Variants in MARCHF7 observed in about 807,000 individuals in gnomAD.
The protein encoded by MARCHF7 is E3 ubiquitin-protein ligase MARCHF7.
A neutral mutation model predicts 76.5 loss-of-function variants in MARCHF7; 20 were observed. The observed-to-expected ratio is 0.26, with a 90% CI of 0.18 to 0.38. MARCHF7 has a LOEUF of 0.38. MARCHF7 is among the 10% of genes least tolerant of loss of function. MARCHF7 has a pLI of 1.00. For synonymous variants in MARCHF7, 295 were observed against 293.0 expected (o/e 1.01, Z -0.07); for missense variants, 797 against 812.9 (o/e 0.98, Z 0.24).
At chr2:159,765,178 T>G (rs150139228) in intron 11 of MARCHF7, among the ~76,000 whole-genome samples, 1 of 150,916 alleles carries the variant, frequency 6.6e-6, no homozygotes, top group East Asian at 1.9e-4. Flanking sequence ...TTTTGTGGGT[T>G]TTTTGTTGTT....
intron 5 of MARCHF7, among the ~76,000 whole-genome samples, chr2:159,745,239 G>T (rs1020029902): frequency 2.6e-5 from 4 of 152,178 alleles, no homozygotes; most frequent in Admixed American, 2.6e-4. Flanking sequence ...TTAATGTTAG[G>T]CAGAGAAGAA....
chr2:159,767,107 G>C (rs1431178069), intron 11 of MARCHF7, among the ~76,000 whole-genome samples, 177 bp from the exon 12 acceptor site: 2 of 152,022 alleles, frequency 1.3e-5, no homozygotes, highest in Admixed American at 6.6e-5. Flanking sequence ...TTGTGGTTGG[G>C]TATCACCCAC....
intron 3 of MARCHF7, among the ~76,000 whole-genome samples, chr2:159,721,030 T>G (rs1374515230): frequency 1.3e-5 from 2 of 151,790 alleles, no homozygotes; most frequent in Non-Finnish European, 2.9e-5. Flanking sequence ...GCTATTTTTT[T>G]TTTTTTTTCT....
chr2:159,770,568 G>C lies in MARCHF7; in HGVS notation c.*3226G>C, dbSNP rs141430725. 8.5e-4 allele frequency: 130 copies of C among 152,270 alleles called. No individual in the cohort carries two copies. Among genetic ancestry groups the C allele is most frequent in the African/African-American group, 2.9e-3 (121 of 41,542 alleles). The allele number at this position is 152,270 out of a possible 1,614,324, so 9.4% of individuals were successfully genotyped here. On this transcript the variant is annotated 3_prime_UTR_variant, in exon 12 of 12. Coordinates refer to ENST00000409175, the MANE Select transcript of MARCHF7 (RefSeq NM_001282805.2). ...ATTGATGGGGTGTGGATTCAGAAGA[G>C]GGATTACTTTTCTTTGAGCCTCAGA...
Position 159,767,446 on chromosome 2 carries a change from C to A in MARCHF7, c.*104C>A. The A allele has an allele frequency of 1.4e-6, 1 of 725,040 alleles. No homozygotes were observed. The highest frequency in any genetic ancestry group is 2.3e-6 in the Non-Finnish European group (1 of 428,004). The allele number at this position is 725,040 out of a possible 1,614,324, so 44.9% of individuals were successfully genotyped here. On this transcript the variant is annotated 3_prime_UTR_variant, in exon 12 of 12. Coordinates refer to ENST00000409175, the MANE Select transcript of MARCHF7 (RefSeq NM_001282805.2). ...GGGGAATGCCTAATAAATACATTGACTATATATAAAATGAATATATACATA... is the reference window on the plus strand; with the variant it reads ...GGGGAATGCCTAATAAATACATTGAATATATATAAAATGAATATATACATA...
intron 11 of MARCHF7, among the ~76,000 whole-genome samples, chr2:159,764,957 TAAAA>T (rs1347991677): frequency 6.6e-6 from 1 of 151,906 alleles, no homozygotes; most frequent in Non-Finnish European, 1.5e-5. Context: ...GGATTTATAA[TAAAA>T]AAGGCATAAA....
chr2:159,740,279 G>A (rs1469766968), intron 4 of MARCHF7, among the ~76,000 whole-genome samples: 2 of 152,088 alleles, frequency 1.3e-5, no homozygotes, highest in Admixed American at 1.3e-4. Context: ...AATCATGTTT[G>A]CAGAAGTGCT....
rs139916486 is a variant in MARCHF7, at chr2:159,743,136, C to G, written c.229C>G (p.Arg77Gly). 3 of 1,614,010 alleles carry G rather than the reference C, an allele frequency of 1.9e-6. No homozygotes were observed. In the African/African-American group the frequency reaches 4.0e-5, roughly 22 times the overall value. ...YSESEITQGARSRSQNQQRDH... is the reference protein window; with the variant it reads ...YSESEITQGAGSRSQNQQRDH... ...TGAATCTGAGATAACTCAGGGAGCA[C>G]GCTCAAGATCGCAGAACCAGCAACG... is the stretch of plus-strand genomic sequence containing the variant. The change falls in exon 5 of 12, where the codon CGC (arginine) becomes GGC (glycine). Residue 77 changes from arginine to glycine, a missense_variant. Around this residue, in one of 3 missense-constraint regions of MARCHF7, gnomAD observed 643 missense variants for 631.5 expected, o/e 1.02. Transcript: ENST00000409175.
rs533221145 is a variant in MARCHF7, at chr2:159,744,279, C to T, written c.346+1026C>T. On this transcript the variant is annotated intron_variant, in intron 5 of 11. Transcript: ENST00000409175. ...CTGGGATTACAGGCGTGAGCCACCG[C>T]GCCCGGCCTAGTAGGAGTTCTATAC... Among the ~76,000 whole-genome samples the T allele has an allele frequency of 5.9e-5, 9 of 152,178 alleles. No homozygotes were observed. The South Asian group carries it at 1.0e-3, about 18-fold the overall frequency.
intron 5 of MARCHF7, among the ~76,000 whole-genome samples, chr2:159,744,135 C>G (rs1704541127): frequency 6.6e-6 from 1 of 150,848 alleles, no homozygotes; most frequent in Non-Finnish European, 1.5e-5. Flanking sequence ...CTACAGGCGC[C>G]CGCCACTACG....
At chr2:159,757,618 A>T (rs1706494358) in intron 8 of MARCHF7, among the ~76,000 whole-genome samples, 1 of 152,210 alleles carries the variant, frequency 6.6e-6, no homozygotes. Context: ...ACTCCAGGCT[A>T]GGCAGCAGAG....
intron 3 of MARCHF7, among the ~76,000 whole-genome samples, chr2:159,727,552 C>T (rs1294551910): frequency 6.6e-6 from 1 of 152,142 alleles, no homozygotes; most frequent in East Asian, 1.9e-4. Context: ...CGTGCCACTT[C>T]ACTCTAGCCT....
At chr2:159,745,687 C>T in intron 5 of MARCHF7, 83 bp from the exon 6 acceptor site, 3 of 882,276 alleles carry the variant, frequency 3.4e-6, no homozygotes, top group Non-Finnish European at 5.1e-6. Context: ...ATAACACTAA[C>T]TTTCCTCTCT....
intron 11 of MARCHF7, among the ~76,000 whole-genome samples, chr2:159,765,279 T>G (rs926994172): frequency 1.3e-5 from 2 of 152,044 alleles, no homozygotes; most frequent in Admixed American, 1.3e-4. Context: ...CTCAAATCTC[T>G]TAAGATCACA....
rs775471848 is a variant in MARCHF7 at position 159,743,190 on chromosome 2, T to G, written c.283T>G (p.Ser95Ala). 62 of 1,614,074 alleles carry G rather than the reference T, an allele frequency of 3.8e-5. No homozygotes were observed. In the Admixed American group the frequency reaches 8.7e-4, roughly 23 times the overall value. ...TCATGATTCAAAAAGACCTAAACTT[T>G]CCTGTACAAACTGTACTACCTCAGC... is the stretch of plus-strand genomic sequence containing the variant. Reference protein sequence around the residue: ...RDHDSKRPKLSCTNCTTSAGR... With the variant: ...RDHDSKRPKLACTNCTTSAGR... The change falls in exon 5 of 12, where the codon TCC (serine) becomes GCC (alanine). Residue 95 changes from serine (S) to alanine (A), a missense_variant. Coordinates refer to ENST00000409175, the MANE Select transcript of MARCHF7 (RefSeq NM_001282805.2).
At chr2:159,763,109 A>T (rs145423269) in intron 10 of MARCHF7, 116 bp downstream of exon 10, 4 of 510,710 alleles carry the variant, frequency 7.8e-6, no homozygotes, top group Non-Finnish European at 1.3e-5. Flanking sequence ...TTTATTTTTT[A>T]AATGTTTCTT....
chr2:159,753,059 T>G (rs1001773663), intron 8 of MARCHF7, among the ~76,000 whole-genome samples: 3 of 152,144 alleles, frequency 2.0e-5, no homozygotes, highest in Admixed American at 1.3e-4. Context: ...GGCACCTGCT[T>G]CTTGTAGTGA....
intron 4 of MARCHF7, among the ~76,000 whole-genome samples, chr2:159,740,186 A>G (rs1197420168): frequency 6.6e-6 from 1 of 151,864 alleles, no homozygotes; most frequent in Non-Finnish European, 1.5e-5. Context: ...CTTTCTGTTC[A>G]TCTATTTCGT....
At chr2:159,751,446 A>C (rs1705635113) in intron 7 of MARCHF7, among the ~76,000 whole-genome samples, 1 of 152,232 alleles carries the variant, frequency 6.6e-6, no homozygotes, top group Admixed American at 6.5e-5. Context: ...AAGAAAGTTA[A>C]AGGTAAAATG....
Sources: allele counts gnomAD v4.1 joint callset (sites outside exome capture counted in the v4.1 genomes callset), GRCh38; gene constraint gnomAD v4.1.1; regional missense constraint gnomAD v4.1.1; transcripts MANE v1.5; gene names NCBI Gene and HGNC (gene_info 2026-07-23, HGNC 2026-07-21).